EVI5: variants seen among roughly 807,000 people sequenced by gnomAD.
The protein encoded by EVI5 is ecotropic viral integration site 5.
EVI5 carries 73 observed loss-of-function variants against 112.0 expected under a neutral mutation model. That is an observed-to-expected ratio of 0.65 (90% CI 0.54 to 0.79). EVI5 has a LOEUF of 0.79. Ranked by LOEUF, EVI5 falls within the 30% of genes least tolerant of loss-of-function variation. EVI5 has a pLI of 0.00. For missense variants in EVI5, 900 were observed against 968.8 expected, an observed-to-expected ratio of 0.93 and a Z score of 0.94; for synonymous variants, 305 against 319.9, an observed-to-expected ratio of 0.95 and a Z score of 0.50.
intron 1 of EVI5, among the ~76,000 whole-genome samples, chr1:92,772,036 T>G (rs1439835125): frequency 6.6e-6 from 1 of 151,688 alleles, no homozygotes; most frequent in East Asian, 2.0e-4. Context: ...TTATTTTTAG[T>G]AGAAACGGGG....
chr1:92,683,323 C>T (rs1374680035), intron 9 of EVI5, among the ~76,000 whole-genome samples: 1 of 152,112 alleles, frequency 6.6e-6, no homozygotes, highest in Non-Finnish European at 1.5e-5. Flanking sequence ...GCTGAGGGTT[C>T]TGACTGTTAG....
At chr1:92,687,842 T>C (rs777471450) in intron 9 of EVI5, among the ~76,000 whole-genome samples, 9 of 152,142 alleles carry the variant, frequency 5.9e-5, no homozygotes, top group Non-Finnish European at 1.3e-4. Context: ...TGAGATACCA[T>C]CTCATGCCAG....
In EVI5 at chr1:92,603,919, T is replaced by G. The variant is rs1024796312; in HGVS notation, c.2070+1388A>C. Among the ~76,000 whole-genome samples, 2 of 151,990 alleles carry G rather than the reference T, an allele frequency of 1.3e-5. 1 individual carries two copies. The highest frequency in any genetic ancestry group is 4.8e-5 in the African/African-American group (2 of 41,376). On this transcript the variant is annotated intron_variant, in intron 18 of 19. Coordinates refer to ENST00000684568, the MANE Select transcript of EVI5 (RefSeq NM_001350197.2). ...AACTAATTTTATTTTGTATTTTTTG[T>G]AGAGAGGGAGTCTCACTTTGTTTGT... is the stretch of plus-strand genomic sequence containing the variant.
intron 19 of EVI5, among the ~76,000 whole-genome samples, chr1:92,520,729 T>C (rs946517851): frequency 2.6e-5 from 4 of 151,704 alleles, no homozygotes; most frequent in African/African-American, 4.8e-5. Flanking sequence ...CGTGTACCTG[T>C]AGTCCCAACT....
At chr1:92,539,475 G>A (rs1042988092) in intron 19 of EVI5, among the ~76,000 whole-genome samples, 2 of 150,404 alleles carry the variant, frequency 1.3e-5, no homozygotes, top group Non-Finnish European at 3.0e-5. Context: ...CCCGGGAGGC[G>A]GAACTAGTAG....
At chr1:92,627,371 C>T (rs879611581) in intron 14 of EVI5, among the ~76,000 whole-genome samples, 1 of 152,164 alleles carries the variant, frequency 6.6e-6, no homozygotes, top group Non-Finnish European at 1.5e-5. Context: ...AGTAGTATTC[C>T]ATCATATATA....
chr1:92,779,918 G>A (rs1684646173), intron 1 of EVI5, among the ~76,000 whole-genome samples: 1 of 152,146 alleles, frequency 6.6e-6, no homozygotes, highest in Non-Finnish European at 1.5e-5. Flanking sequence ...TTGGACTCTA[G>A]TCTAGGTTCC....
chr1:92,672,810 T>C (rs1217413704), intron 10 of EVI5, among the ~76,000 whole-genome samples: 1 of 152,184 alleles, frequency 6.6e-6, no homozygotes, highest in African/African-American at 2.4e-5. Flanking sequence ...AATGAAAAGT[T>C]TGATATGCCA....
chr1:92,557,929 G>T (rs6695638), intron 19 of EVI5, among the ~76,000 whole-genome samples: 1 of 151,348 alleles, frequency 6.6e-6, no homozygotes, highest in African/African-American at 2.4e-5. Context: ...GTAGAGACAG[G>T]GTTTCTCCAT....
At chr1:92,660,733 T>C (rs937465835) in intron 13 of EVI5, among the ~76,000 whole-genome samples, 1 of 151,964 alleles carries the variant, frequency 6.6e-6, no homozygotes, top group Non-Finnish European at 1.5e-5. Flanking sequence ...GTCACATACC[T>C]TACAATTCTA....
intron 10 of EVI5, among the ~76,000 whole-genome samples, chr1:92,672,830 G>A (rs1022974238): frequency 2.2e-4 from 34 of 152,192 alleles, no homozygotes; most frequent in Middle Eastern, 3.4e-3. Context: ...AGAGAAAAAT[G>A]GGCATCCAAA....
intron 6 of EVI5, 39 bp from the exon 7 acceptor site, chr1:92,695,492 C>T (rs775752813): frequency 1.5e-6 from 2 of 1,373,118 alleles, no homozygotes; most frequent in Non-Finnish European, 2.0e-6. Context: ...CACAGTAAAA[C>T]TGAGTATTTT....
Position 92,693,574 on chromosome 1 carries a change from G to C in EVI5, c.1097+228C>G, listed in dbSNP as rs1302823307. Among the ~76,000 whole-genome samples, 6 of 151,874 alleles carry C rather than the reference G, an allele frequency of 4.0e-5. No individual in the cohort carries two copies. The South Asian group carries it at 8.5e-4, about 22-fold the overall frequency. On this transcript the variant is annotated intron_variant, in intron 9 of 19. Coordinates refer to ENST00000684568, the MANE Select transcript of EVI5 (RefSeq NM_001350197.2). ...CCTCATATATGTATATCCATTCCAG[G>C]CTCCTAATTCTAGTCAACGTGGAAA...
At position 92,677,197 on chromosome 1, in the gene EVI5, T is replaced by C. The variant is rs1666892680; in HGVS notation, c.1119A>G (p.Thr373=). The part of the protein sequence containing the change: ...KMKKLEKEYT[T]IKTKEMEEQV... ...GCTCTTCCATTTCTTTCGTTTTTAT[T>C]GTAGTGTATTCCTTTTCAAGCCTAA... The change falls in exon 10 of 20, where the codon ACA becomes ACG. Residue 373 remains threonine, a synonymous_variant. Coordinates refer to ENST00000684568, the MANE Select transcript of EVI5 (RefSeq NM_001350197.2). 1 of 1,588,366 alleles carries C rather than the reference T, an allele frequency of 6.3e-7. No individual in the cohort carries two copies. Among genetic ancestry groups the C allele is most frequent in the Non-Finnish European group, 8.6e-7 (1 of 1,162,278 alleles).
At chr1:92,658,912 C>T (rs931211765) in intron 13 of EVI5, among the ~76,000 whole-genome samples, 5 of 152,064 alleles carry the variant, frequency 3.3e-5, no homozygotes, top group Admixed American at 6.5e-5. Flanking sequence ...GAACAGAAAA[C>T]CAGAAATAAA....
At chr1:92,692,781 T>C (rs1484927265) in intron 9 of EVI5, among the ~76,000 whole-genome samples, 2 of 152,162 alleles carry the variant, frequency 1.3e-5, no homozygotes, top group Admixed American at 6.5e-5. Flanking sequence ...ATGTTGTACA[T>C]GTTAATGTAA....
chr1:92,616,417 C>T (rs934662033), intron 16 of EVI5, among the ~76,000 whole-genome samples: 5 of 152,236 alleles, frequency 3.3e-5, no homozygotes, highest in East Asian at 1.9e-4. Context: ...AACCATCAAA[C>T]GCAAGGTAGG....
intron 18 of EVI5, among the ~76,000 whole-genome samples, chr1:92,564,439 A>G (rs537789294): frequency 1.8e-4 from 27 of 151,460 alleles, no homozygotes; most frequent in South Asian, 4.2e-4. Context: ...AAAAGGGGGG[A>G]AAAAAAAGAA....
At chr1:92,731,777 A>C (rs1332269838) in intron 2 of EVI5, among the ~76,000 whole-genome samples, 1 of 152,218 alleles carries the variant, frequency 6.6e-6, no homozygotes, top group Non-Finnish European at 1.5e-5. Flanking sequence ...AAAAATGCAA[A>C]AGTAATTAAG....
Sources: gnomAD v4.1 joint callset for allele counts (sites outside exome capture counted in the v4.1 genomes callset) on GRCh38, gnomAD v4.1.1 for gene constraint, MANE v1.5 for transcripts, NCBI Gene and HGNC (gene_info 2026-07-23, HGNC 2026-07-21) for gene names.